The following MAP2 variants were observed in gnomAD, a reference collection of about 807,000 sequenced individuals.
MAP2 encodes the protein microtubule-associated protein 2.
MAP2 carries 14 observed loss-of-function variants against 137.6 expected under a neutral mutation model. That is an observed-to-expected ratio of 0.10 (90% CI 0.07 to 0.16). MAP2 has a LOEUF of 0.16. Among genes scored for constraint, MAP2 ranks in the 10% least tolerant of loss-of-function variants. The pLI is 1.00. For missense variants in MAP2, 2,088 were observed against 2,191.5 expected (o/e 0.95, Z 0.94); for synonymous variants, 786 against 782.3 (o/e 1.00, Z -0.08).
chr2:209,491,456 A>G (rs2059102147), intron 1 of MAP2, among the ~76,000 whole-genome samples: 1 of 152,132 alleles, frequency 6.6e-6, no homozygotes, highest in Non-Finnish European at 1.5e-5. Context: ...CAGAGCAGAA[A>G]TGAAGGAGAG....
chr2:209,511,754 TAGAGACTG>T (rs2061753611), intron 2 of MAP2, among the ~76,000 whole-genome samples: 1 of 152,056 alleles, frequency 6.6e-6, no homozygotes, highest in Admixed American at 6.6e-5. Context: ...TTATTTTTTG[TAGAGACTG>T]AGTCTCGCTT....
chr2:209,674,625 G>A (rs184525760), intron 5 of MAP2, among the ~76,000 whole-genome samples: 1 of 142,864 alleles, frequency 7.0e-6, no homozygotes, highest in Non-Finnish European at 1.5e-5. Context: ...ATAGATAGAT[G>A]GATGGATGGA....
chr2:209,666,627 A>G (rs2046416156), intron 5 of MAP2, among the ~76,000 whole-genome samples: 1 of 152,060 alleles, frequency 6.6e-6, no homozygotes, highest in South Asian at 2.1e-4. Flanking sequence ...GGAATTGGCT[A>G]TTTTGGTGAC....
At position 209,694,005 on chromosome 2, in the gene MAP2, T is replaced by C. The variant is rs1270272357; in HGVS notation, c.1835T>C (p.Met612Thr). 5.6e-6 allele frequency: 9 copies of C among 1,613,946 alleles called. No individual in the cohort carries two copies. ...VHESIDTMSP[M>T]HKNGDKEFQT... ...GAGTCTATTGATACCATGTCTCCCA[T>C]GCATAAAAATGGTGACAAGGAGTTT... The change falls in exon 8 of 16, where the codon ATG (methionine) becomes ACG (threonine). Residue 612 changes from methionine to threonine, a missense_variant. Physicochemically the swap from Met to Thr is moderately conservative, Grantham distance 81 (BLOSUM62 -1). This residue lies in a region of MAP2 where 859 missense variants were observed against 794.5 expected (regional missense o/e 1.08). Transcript: ENST00000682079.
chr2:209,624,840 C>T (rs1357546577), intron 3 of MAP2, among the ~76,000 whole-genome samples: 1 of 152,138 alleles, frequency 6.6e-6, no homozygotes, highest in African/African-American at 2.4e-5. Flanking sequence ...CAGCAGTTAG[C>T]ATTTTCACTT....
At chr2:209,646,971 G>T (rs995656011) in intron 4 of MAP2, among the ~76,000 whole-genome samples, 1 of 152,146 alleles carries the variant, frequency 6.6e-6, no homozygotes, top group Non-Finnish European at 1.5e-5. Flanking sequence ...AGGTTCAGTT[G>T]CCTCATGGTT....
chr2:209,535,662 A>T lies in MAP2; in HGVS notation c.-172+28021A>T, dbSNP rs539360007. On this transcript the variant is annotated intron_variant, in intron 2 of 15. Transcript: ENST00000682079. ...ACAGTAGGGTCAATCCATTTTGAGG[A>T]GGTTTGTAGTTTTAGACTCCATTAA... 3.3e-5 allele frequency among the ~76,000 whole-genome samples: 5 copies of T among 152,036 alleles called. No individual in the cohort carries two copies. The South Asian group carries it at 1.0e-3, about 32-fold the overall frequency.
chr2:209,721,901 A>G (rs1267757060), intron 13 of MAP2: 2 of 152,212 alleles, frequency 1.3e-5, no homozygotes, highest in Admixed American at 1.3e-4. Flanking sequence ...AAGTATTATT[A>G]TTAGAAACAG....
chr2:209,705,675 G>T lies in MAP2; in HGVS notation c.4680G>T (p.Glu1560Asp). ...PRRGVSGDRD[E>D]NSFSLNSSIS... is the part of the protein sequence containing the mutation. ...GAGGTGTGTCAGGAGACAGAGATGA[G>T]AATTCCTTCTCTCTCAACAGTTCTA... Residue 1560 changes from glutamate (E) to aspartate (D), a missense_variant, in exon 12 of 16, where the codon GAG becomes GAT. Physicochemically the swap from Glu to Asp is conservative, Grantham distance 45. Coordinates refer to ENST00000682079, the MANE Select transcript of MAP2 (RefSeq NM_001375505.1). 1 of 1,612,994 alleles carries T rather than the reference G, an allele frequency of 6.2e-7. No individual in the cohort carries two copies. The highest frequency in any genetic ancestry group is 1.3e-5 in the African/African-American group (1 of 74,980).
intron 1 of MAP2, among the ~76,000 whole-genome samples, chr2:209,467,064 A>G (rs1400772372): frequency 6.6e-6 from 1 of 152,148 alleles, no homozygotes; most frequent in Non-Finnish European, 1.5e-5. Context: ...TTTTAAGGAG[A>G]ACACTTCATG....
intron 13 of MAP2, chr2:209,710,701 A>T (rs1457278728): frequency 6.3e-6 from 1 of 157,908 alleles, no homozygotes; most frequent in African/African-American, 2.4e-5. Context: ...CCTCATGTTT[A>T]CTCCAAAATA....
At position 209,512,556 on chromosome 2, in the gene MAP2, TACACACACACACACACACAC is replaced by T. The variant is rs150144839; in HGVS notation, c.-172+4941_-172+4960del. On this transcript the variant is annotated intron_variant, in intron 2 of 15. Coordinates refer to ENST00000682079, the MANE Select transcript of MAP2 (RefSeq NM_001375505.1). ...TATTAATGAAAGAAGCCAGAAGTTA[TACACACACACACACACACAC>T]ACACACACACACACACACACACACA... 3.6e-3 allele frequency among the ~76,000 whole-genome samples: 525 copies of T among 144,918 alleles called. 3 individuals carry two copies. The highest frequency in any genetic ancestry group is 7.6e-3 in the South Asian group (34 of 4,456).
intron 2 of MAP2, among the ~76,000 whole-genome samples, chr2:209,509,461 G>C (rs2061471252): frequency 6.6e-6 from 1 of 151,884 alleles, no homozygotes; most frequent in South Asian, 2.1e-4. Context: ...TTCCCACTTG[G>C]ATATGTGTGG....
At chr2:209,598,119 C>T (rs1378698290) in intron 3 of MAP2, among the ~76,000 whole-genome samples, 1 of 152,100 alleles carries the variant, frequency 6.6e-6, no homozygotes, top group African/African-American at 2.4e-5. Context: ...GATTCTCCTG[C>T]CTCAGCCTCC....
chr2:209,433,650 A>C (rs1694924248), intron 1 of MAP2, among the ~76,000 whole-genome samples: 1 of 152,242 alleles, frequency 6.6e-6, no homozygotes, highest in Admixed American at 6.5e-5. Context: ...CTTATTTGCT[A>C]ATGTGTTAAA....
chr2:209,500,293 T>C (rs2060219101), intron 1 of MAP2, among the ~76,000 whole-genome samples: 1 of 152,212 alleles, frequency 6.6e-6, no homozygotes, highest in Non-Finnish European at 1.5e-5. Flanking sequence ...ACTTCCTATA[T>C]AGAGCCAACT....
At chr2:209,483,898 T>TCC (rs1173492730) in intron 1 of MAP2, among the ~76,000 whole-genome samples, 26 of 152,018 alleles carry the variant, frequency 1.7e-4, no homozygotes, top group Admixed American at 1.1e-3. Flanking sequence ...CTGGGAGAAA[T>TCC]TTTCTTAGAG....
chr2:209,682,363 C>T (rs914618485), intron 7 of MAP2, among the ~76,000 whole-genome samples: 3 of 151,998 alleles, frequency 2.0e-5, no homozygotes, highest in African/African-American at 4.8e-5. Flanking sequence ...TGGTGGCGTA[C>T]GCCTATAATC....
At chr2:209,426,091 G>A (rs1256952496) in intron 1 of MAP2, among the ~76,000 whole-genome samples, 1 of 152,170 alleles carries the variant, frequency 6.6e-6, no homozygotes, top group African/African-American at 2.4e-5. Flanking sequence ...TATCATAGGT[G>A]TACATCTGCA....
Sources: gnomAD v4.1 joint callset for allele counts (sites outside exome capture counted in the v4.1 genomes callset) on GRCh38, gnomAD v4.1.1 for gene constraint, gnomAD v4.1.1 regional missense constraint, MANE v1.5 for transcripts, NCBI Gene and HGNC (gene_info 2026-07-23, HGNC 2026-07-21) for gene names.